Variants in NHSL1 observed in about 807,000 individuals in gnomAD.
The protein encoded by NHSL1 is NHS like 1, also known as NHS-like protein 1.
NHSL1 carries 48 observed loss-of-function variants against 95.0 expected under a neutral mutation model. The observed-to-expected ratio is 0.51, with a 90% CI of 0.40 to 0.64. The LOEUF is 0.64. NHSL1 is among the 30% of genes least tolerant of loss of function. The pLI is 0.00. For synonymous variants in NHSL1, 783 were observed against 833.9 expected, an observed-to-expected ratio of 0.94 and a Z score of 1.05; for missense variants, 1,971 against 2,077.7, an observed-to-expected ratio of 0.95 and a Z score of 1.00.
chr6:138,633,809 T>C (rs1784853481), intron 1 of NHSL1, among the ~76,000 whole-genome samples: 3 of 152,200 alleles, frequency 2.0e-5, no homozygotes, highest in Admixed American at 6.5e-5. Context: ...CTGTGGTGTG[T>C]AAACTACTCT....
chr6:138,610,122 C>A (rs1346699507), intron 1 of NHSL1, among the ~76,000 whole-genome samples: 1 of 152,186 alleles, frequency 6.6e-6, no homozygotes, highest in East Asian at 1.9e-4. Flanking sequence ...ACCAATGCCT[C>A]ATCCCAAAAT....
chr6:138,689,068 C>T (rs374374377), intron 1 of NHSL1, among the ~76,000 whole-genome samples: 21 of 152,328 alleles, frequency 1.4e-4, no homozygotes, highest in African/African-American at 4.3e-4. Flanking sequence ...ATCCACCTGC[C>T]TCAAAAGATC....
chr6:138,478,270 C>T (rs72973301), intron 2 of NHSL1, among the ~76,000 whole-genome samples: 21,185 of 151,548 alleles, frequency 0.14, 1,530 homozygotes, highest in Middle Eastern at 0.17. Context: ...TGTGAACCAC[C>T]GCGCTGGCCA....
At chr6:138,648,456 CT>C (rs1785047984) in intron 1 of NHSL1, among the ~76,000 whole-genome samples, 1 of 151,996 alleles carries the variant, frequency 6.6e-6, no homozygotes, top group South Asian at 2.1e-4. Flanking sequence ...TCATATAAGG[CT>C]GCATTTAGCT....
chr6:138,541,068 A>T (rs1782560027), intron 1 of NHSL1, among the ~76,000 whole-genome samples: 1 of 152,212 alleles, frequency 6.6e-6, no homozygotes, highest in South Asian at 2.1e-4. Flanking sequence ...CATCCTGTCC[A>T]TATTAAAAGC....
At chr6:138,464,583 G>A (rs892915961) in intron 3 of NHSL1, among the ~76,000 whole-genome samples, 9 of 152,014 alleles carry the variant, frequency 5.9e-5, no homozygotes, top group Non-Finnish European at 1.2e-4. Flanking sequence ...TACTATAAGT[G>A]ATCCTTAAAA....
At chr6:138,624,194 A>C (rs1784704724) in intron 1 of NHSL1, among the ~76,000 whole-genome samples, 1 of 152,192 alleles carries the variant, frequency 6.6e-6, no homozygotes, top group Admixed American at 6.5e-5. Context: ...AAGAGAGTGC[A>C]TCTCCACCTT....
Position 138,431,543 on chromosome 6 carries a change from A to C in NHSL1, c.2802T>G (p.Pro934=). The C allele has an allele frequency of 6.6e-7, 1 of 1,517,668 alleles. No individual in the cohort carries two copies. Among genetic ancestry groups the C allele is most frequent in the South Asian group, 1.2e-5 (1 of 81,884 alleles). 94.0% of individuals were successfully genotyped at this position (1,517,668 alleles called of 1,614,324 possible). Residue 934 remains proline, a synonymous_variant, in exon 6 of 8, where the codon CCT becomes CCG. Coordinates refer to ENST00000343505, the MANE Select transcript of NHSL1 (RefSeq NM_001144060.2). The surrounding 1 kb of genome is among the most constrained non-coding windows in gnomAD (Gnocchi z 4.0). ...VGSPPAPPPP[P]VPSPPFPCPA... ...GACAAGGGAATGGAGGAGAGGGAAC[A>C]GGAGGAGGAGGAGGAGCCGGGGGAG...
chr6:138,433,658 A>G lies in NHSL1; in HGVS notation c.687T>C (p.Asp229=), dbSNP rs1174054387. ...KELASGTGQD[D]ADGHSVYTPD... is the part of the protein sequence containing the mutation. ...GGGTGTACACTGAGTGGCCATCAGC[A>G]TCATCTTGGCCAGTGCCTGATGCTG... Residue 229 remains aspartate, a synonymous_variant, in exon 6 of 8, where the codon GAT becomes GAC. Transcript: ENST00000343505. 3 of 1,544,074 alleles carry G rather than the reference A, an allele frequency of 1.9e-6. No homozygotes were observed. In the Admixed American group the frequency reaches 5.9e-5, roughly 30 times the overall value.
At chr6:138,450,737 A>T (rs1363119884) in intron 3 of NHSL1, among the ~76,000 whole-genome samples, 2 of 152,154 alleles carry the variant, frequency 1.3e-5, no homozygotes, top group Admixed American at 1.3e-4. Flanking sequence ...GGCACAGATA[A>T]AGTTATATGC....
At chr6:138,551,292 G>A (rs1198246554) in intron 1 of NHSL1, among the ~76,000 whole-genome samples, 1 of 152,170 alleles carries the variant, frequency 6.6e-6, no homozygotes, top group Admixed American at 6.5e-5. Flanking sequence ...TATTCAGACA[G>A]GCAATGCTTA....
intron 1 of NHSL1, chr6:138,512,241 T>A: frequency 2.2e-6 from 1 of 448,396 alleles, no homozygotes; most frequent in Non-Finnish European, 4.4e-6. Context: ...CAAATTTAAT[T>A]ATCTTATTAC....
At chr6:138,593,665 G>A (rs1245685085) in intron 1 of NHSL1, among the ~76,000 whole-genome samples, 2 of 152,274 alleles carry the variant, frequency 1.3e-5, no homozygotes, top group East Asian at 3.9e-4. Flanking sequence ...GGTCTCCCCA[G>A]GCACAAACTC....
In NHSL1 at chr6:138,430,751, C is replaced by T. The variant is rs1253035536; in HGVS notation, c.3594G>A (p.Lys1198=). Reference sequence around the variant, plus strand: ...GTGGTACCACCAGGAACAGTTTGGGCTTCTTGGAAATGGGGGGTGGCTTCC... The same window carrying T: ...GTGGTACCACCAGGAACAGTTTGGGTTTCTTGGAAATGGGGGGTGGCTTCC... ...PSRKPPPISK[K]PKLFLVVPPP... The change falls in exon 6 of 8, where the codon AAG becomes AAA. Residue 1198 remains lysine (K), a synonymous_variant. Transcript: ENST00000343505. This position sits in a 1 kb window ranked among gnomAD's most constrained non-coding sequence, Gnocchi z 4.7. 1.9e-6 allele frequency: 3 copies of T among 1,551,610 alleles called. No homozygotes were observed. The highest frequency in any genetic ancestry group is 2.0e-5 in the Admixed American group (1 of 50,978).
At chr6:138,664,804 C>T (rs1052895675) in intron 1 of NHSL1, among the ~76,000 whole-genome samples, 2 of 152,212 alleles carry the variant, frequency 1.3e-5, no homozygotes, top group African/African-American at 2.4e-5. Flanking sequence ...AGCAGGCCAG[C>T]AGGCTGGAGC....
chr6:138,430,925 C>A lies in NHSL1; in HGVS notation c.3420G>T (p.Thr1140=). Residue 1140 remains threonine, a synonymous_variant, in exon 6 of 8, where the codon ACG becomes ACT. Coordinates refer to ENST00000343505, the MANE Select transcript of NHSL1 (RefSeq NM_001144060.2). This position sits in a 1 kb window ranked among gnomAD's most constrained non-coding sequence, Gnocchi z 4.7. ...CACCCTGACTCGAGCTCTTGGCAGG[C>A]GTCGGAAGCGAGCTTGTCACAGAGG... ...QPASVTSSLP[T]PAKSSSQGDH... is the part of the protein sequence containing the mutation. 6.4e-7 allele frequency: 1 copy of A among 1,551,466 alleles called. No homozygotes were observed. The highest frequency in any genetic ancestry group is 8.7e-7 in the Non-Finnish European group (1 of 1,146,840).
chr6:138,606,496 T>G (rs188304950), intron 1 of NHSL1, among the ~76,000 whole-genome samples: 1 of 152,166 alleles, frequency 6.6e-6, no homozygotes, highest in African/African-American at 2.4e-5. Flanking sequence ...ATTAAATCTC[T>G]TTTGTATGCT....
At chr6:138,582,949 A>T (rs1784083496) in intron 1 of NHSL1, among the ~76,000 whole-genome samples, 1 of 152,220 alleles carries the variant, frequency 6.6e-6, no homozygotes, top group African/African-American at 2.4e-5. Context: ...AATGGCTTAA[A>T]GCAGTCATCA....
chr6:138,547,442 G>A (rs1782844659), upstream of NHSL1, among the ~76,000 whole-genome samples: 1 of 152,044 alleles, frequency 6.6e-6, no homozygotes, highest in African/African-American at 2.4e-5. Context: ...GGGCAGTGGT[G>A]TGATCTCAGC....
Sources: gnomAD v4.1 joint callset for allele counts (sites outside exome capture counted in the v4.1 genomes callset) on GRCh38, gnomAD v4.1.1 for gene constraint, Gnocchi (gnomAD v3.1) non-coding constraint, MANE v1.5 for transcripts, NCBI Gene and HGNC (gene_info 2026-07-23, HGNC 2026-07-21) for gene names.